The following EEA1 variants were observed in gnomAD, a reference collection of about 807,000 sequenced individuals.
EEA1 encodes early endosome antigen 1, 162kD.
In EEA1, 111 loss-of-function variants were observed where a neutral mutation model predicts 209.2. The ratio of observed to expected loss-of-function variants is 0.53; its 90% confidence interval spans 0.45 to 0.62. The LOEUF (loss-of-function observed/expected upper bound fraction) is 0.62. EEA1 is among the 20% of genes least tolerant of loss of function. The pLI, the probability that EEA1 is intolerant of heterozygous loss-of-function variation, is 0.00. For synonymous variants in EEA1, 536 were observed against 540.6 expected (o/e 0.99, Z 0.12); for missense variants, 1,343 against 1,530.8 (o/e 0.88, Z 2.05).
chr12:92,848,959 G>C (rs1369064571), intron 9 of EEA1, among the ~76,000 whole-genome samples: 1 of 152,038 alleles, frequency 6.6e-6, no homozygotes, highest in Non-Finnish European at 1.5e-5. Context: ...CTGGACTGAA[G>C]CAATCTGCCT....
At position 92,832,614 on chromosome 12, in the gene EEA1, T is replaced by G. The variant is rs778908142; in HGVS notation, c.1152A>C (p.Val384=). ...CCTTTAGATGCTGGTACTTGGTCTC[T>G]ACCTCAGATAATTCTTCTTTGAGCT... The part of the protein sequence containing the change: ...TQKLKEELSE[V]ETKYQHLKAE... Residue 384 remains valine, a synonymous_variant, in exon 11 of 29, where the codon GTA becomes GTC. Transcript: ENST00000322349. The G allele has an allele frequency of 2.5e-6, 4 of 1,614,088 alleles. No homozygotes were observed. The highest frequency in any genetic ancestry group is 3.4e-6 in the Non-Finnish European group (4 of 1,179,986).
Position 92,811,420 on chromosome 12 carries a change from A to C in EEA1, c.2058T>G (p.Ile686Met). 6.4e-7 allele frequency: 1 copy of C among 1,568,434 alleles called. No individual in the cohort carries two copies. Among genetic ancestry groups the C allele is most frequent in the East Asian group, 2.3e-5 (1 of 42,656 alleles). The change falls in exon 17 of 29, where the codon ATT (isoleucine) becomes ATG (methionine). Residue 686 changes from isoleucine (I) to methionine (M), a missense_variant. Physicochemically the swap from Ile to Met is conservative, Grantham distance 10 (BLOSUM62 1). This residue lies in a region of EEA1 where 1,307 missense variants were observed against 1,465.5 expected (regional missense o/e 0.89). Transcript: ENST00000322349. The part of the protein sequence containing the change: ...LQDKQQELNK[I>M]TTQLDQVTAK... Reference sequence around the variant, plus strand: ...CAGTGACCTGATCCAACTGAGTAGTAATCTTATTTAACTCCTTTAGAAAAG... The same window carrying C: ...CAGTGACCTGATCCAACTGAGTAGTCATCTTATTTAACTCCTTTAGAAAAG...
intron 10 of EEA1, among the ~76,000 whole-genome samples, chr12:92,834,138 G>A (rs748236858): frequency 6.6e-6 from 1 of 151,966 alleles, no homozygotes; most frequent in Admixed American, 6.5e-5. Flanking sequence ...CCCAACATGG[G>A]AAACGCAGCA....
chr12:92,812,861 G>T, intron 16 of EEA1, 119 bp downstream of exon 16: 1 of 570,432 alleles, frequency 1.8e-6, no homozygotes, highest in East Asian at 3.1e-5. Flanking sequence ...GAGAAATTAA[G>T]GGGGATAAGC....
chr12:92,909,846 G>A (rs937645777), intron 1 of EEA1, among the ~76,000 whole-genome samples: 2 of 151,966 alleles, frequency 1.3e-5, no homozygotes, highest in Middle Eastern at 3.4e-3. Flanking sequence ...GTGAGACCCC[G>A]CCTTAATAAA....
intron 1 of EEA1, among the ~76,000 whole-genome samples, chr12:92,921,882 A>T (rs1160435565): frequency 6.8e-6 from 1 of 146,106 alleles, no homozygotes; most frequent in East Asian, 2.1e-4. Context: ...AAAAAAAAAA[A>T]AAAAGAAAAA....
chr12:92,856,701 G>T (rs1274050868), intron 5 of EEA1, among the ~76,000 whole-genome samples: 1 of 147,336 alleles, frequency 6.8e-6, no homozygotes, highest in African/African-American at 2.5e-5. Flanking sequence ...AACCATTTAG[G>T]TATATTACAA....
At chr12:92,901,371 T>A (rs1407514641) in intron 1 of EEA1, among the ~76,000 whole-genome samples, 1 of 151,268 alleles carries the variant, frequency 6.6e-6, no homozygotes, top group African/African-American at 2.4e-5. Flanking sequence ...TACTTCTACA[T>A]AAACCTATTA....
At chr12:92,859,361 A>T in intron 3 of EEA1, 1 of 804,702 alleles carries the variant, frequency 1.2e-6, no homozygotes, top group Non-Finnish European at 2.0e-6. Flanking sequence ...TCCTTCCTAA[A>T]TTTTCCTGTC....
chr12:92,825,574 C>T (rs890954682), intron 13 of EEA1, among the ~76,000 whole-genome samples: 38 of 151,996 alleles, frequency 2.5e-4, no homozygotes, highest in Non-Finnish European at 4.4e-4. Flanking sequence ...CTAAGGTATG[C>T]TGCAGACTTT....
chr12:92,876,605 T>C (rs1040385384), intron 2 of EEA1, among the ~76,000 whole-genome samples: 1 of 152,084 alleles, frequency 6.6e-6, no homozygotes, highest in Non-Finnish European at 1.5e-5. Context: ...CTATGAGAAA[T>C]AAATTTCTGC....
At chr12:92,837,068 C>T (rs1876959894) in intron 10 of EEA1, among the ~76,000 whole-genome samples, 1 of 150,014 alleles carries the variant, frequency 6.7e-6, no homozygotes, top group African/African-American at 2.5e-5. Context: ...TTGCAGTGAG[C>T]TGAGATCGCA....
At chr12:92,824,044 A>G (rs1021057891) in intron 13 of EEA1, among the ~76,000 whole-genome samples, 1 of 152,018 alleles carries the variant, frequency 6.6e-6, no homozygotes, top group Non-Finnish European at 1.5e-5. Flanking sequence ...CTTTTGTCTC[A>G]CTTCTTTATG....
chr12:92,876,529 G>A (rs2136736841), intron 2 of EEA1, among the ~76,000 whole-genome samples: 1 of 152,240 alleles, frequency 6.6e-6, no homozygotes, highest in East Asian at 1.9e-4. Flanking sequence ...TATGAACCGG[G>A]AAATGGGCCC....
At chr12:92,812,721 G>A (rs1156463246) in intron 16 of EEA1, among the ~76,000 whole-genome samples, 1 of 152,126 alleles carries the variant, frequency 6.6e-6, no homozygotes, top group Non-Finnish European at 1.5e-5. Context: ...CAAGGTCTAG[G>A]CTAGGGGAGA....
At chr12:92,818,085 T>G (rs1020857167) in intron 14 of EEA1, among the ~76,000 whole-genome samples, 1 of 152,188 alleles carries the variant, frequency 6.6e-6, no homozygotes, top group African/African-American at 2.4e-5. Context: ...GAACAAAGCC[T>G]CAAGTGAATT....
intron 21 of EEA1, among the ~76,000 whole-genome samples, chr12:92,790,449 G>C (rs1874350266): frequency 6.6e-6 from 1 of 152,128 alleles, no homozygotes; most frequent in Non-Finnish European, 1.5e-5. Context: ...TGTAGAGATG[G>C]AGCTGAAAAC....
At chr12:92,898,638 T>C (rs1880001499) in intron 1 of EEA1, among the ~76,000 whole-genome samples, 1 of 141,834 alleles carries the variant, frequency 7.1e-6, no homozygotes, top group East Asian at 2.0e-4. Flanking sequence ...CACTCCAGCC[T>C]GGGTGACAGA....
At chr12:92,893,466 C>A (rs2136756881) in intron 1 of EEA1, among the ~76,000 whole-genome samples, 1 of 152,292 alleles carries the variant, frequency 6.6e-6, no homozygotes, top group African/African-American at 2.4e-5. Context: ...ACCCAAGATT[C>A]AAAACACCTC....
Sources: allele counts gnomAD v4.1 joint callset (sites outside exome capture counted in the v4.1 genomes callset), GRCh38; gene constraint gnomAD v4.1.1; regional missense constraint gnomAD v4.1.1; transcripts MANE v1.5; gene names NCBI Gene and HGNC (gene_info 2026-07-23, HGNC 2026-07-21).